Variants in ZMYM6 observed in about 807,000 individuals in gnomAD.
The protein encoded by ZMYM6 is zinc finger MYM-type containing 6.
Under a neutral mutation model 134.0 loss-of-function variants are expected in ZMYM6, and 90 were observed. The ratio of observed to expected loss-of-function variants is 0.67; its 90% CI spans 0.57 to 0.80. The LOEUF is 0.80. Among genes scored for constraint, ZMYM6 ranks in the 30% least tolerant of loss-of-function variants. The pLI is 0.00. For synonymous variants in ZMYM6, 481 were observed against 524.1 expected (o/e 0.92, Z 1.12); for missense variants, 1,362 against 1,533.9 (o/e 0.89, Z 1.87).
At chr1:35,013,151 T>C (rs1569777281) in intron 6 of ZMYM6, 1 of 815,408 alleles carries the variant, frequency 1.2e-6, no homozygotes, top group African/African-American at 1.9e-5. Flanking sequence ...ACTTACTGAA[T>C]GCTTACCATG....
chr1:35,011,297 T>C (rs1459367280), intron 8 of ZMYM6, among the ~76,000 whole-genome samples: 1 of 152,128 alleles, frequency 6.6e-6, no homozygotes, highest in African/African-American at 2.4e-5. Context: ...AGGCCTCTCC[T>C]TCCCCCTAAA....
intron 9 of ZMYM6, 46 bp from the exon 10 acceptor site, chr1:35,010,643 T>C: frequency 1.3e-6 from 2 of 1,564,288 alleles, no homozygotes; most frequent in South Asian, 1.2e-5. Context: ...AACAGTTGCT[T>C]TATCTTTAAG....
At chr1:35,000,756 T>G (rs1254678579) in intron 14 of ZMYM6, among the ~76,000 whole-genome samples, 1 of 152,174 alleles carries the variant, frequency 6.6e-6, no homozygotes, top group Non-Finnish European at 1.5e-5. Flanking sequence ...GAACACATGC[T>G]AAACTCATAA....
chr1:35,009,266 G>A (rs553198805), intron 10 of ZMYM6, among the ~76,000 whole-genome samples: 5 of 152,056 alleles, frequency 3.3e-5, no homozygotes, highest in Non-Finnish European at 7.4e-5. Flanking sequence ...ACCACACCCA[G>A]CTAATTTTTG....
At chr1:34,989,160 G>A in intron 15 of ZMYM6, 1 of 1,313,100 alleles carries the variant, frequency 7.6e-7, no homozygotes, top group Non-Finnish European at 9.7e-7. Context: ...AAAACTGTAG[G>A]ATGTGGTACA....
intron 14 of ZMYM6, among the ~76,000 whole-genome samples, chr1:35,003,231 C>T (rs1640911973): frequency 1.3e-5 from 2 of 149,446 alleles, no homozygotes; most frequent in Admixed American, 6.7e-5. Flanking sequence ...AACATTAACC[C>T]AAGACCTGAT....
At chr1:34,992,606 A>ATATAAATATAAAAATATTTATAAAC (rs1557558135) in intron 14 of ZMYM6, among the ~76,000 whole-genome samples, 2 of 117,236 alleles carry the variant, frequency 1.7e-5, no homozygotes, top group African/African-American at 1.1e-4. Context: ...ACATTTATAA[A>ATATAAATATAAAAATATTTATAAAC]TATAAATATA....
chr1:34,988,370 C>T lies in ZMYM6; in HGVS notation c.2712G>A (p.Glu904=). ...IEDQLIQKVR[E]SKWFALQIDE... ...CTATCTGAAGGGCAAACCACTTTGA[C>T]TCTCTGACCTTTTGAATCAGCTGGT... The change falls in exon 16 of 16, where the codon GAG becomes GAA. Residue 904 remains glutamate, a synonymous_variant. Coordinates refer to ENST00000357182, the MANE Select transcript of ZMYM6 (RefSeq NM_007167.4). 6.4e-7 allele frequency: 1 copy of T among 1,551,628 alleles called. No homozygotes were observed. The highest frequency in any genetic ancestry group is 8.7e-7 in the Non-Finnish European group (1 of 1,146,958).
At chr1:35,021,807 T>C (rs1414389604) in intron 2 of ZMYM6, among the ~76,000 whole-genome samples, 2 of 152,158 alleles carry the variant, frequency 1.3e-5, no homozygotes, top group Non-Finnish European at 2.9e-5. Flanking sequence ...TACCACATTC[T>C]TTAAAACGTT....
intron 8 of ZMYM6, among the ~76,000 whole-genome samples, 193 bp downstream of exon 8, chr1:35,011,697 A>G (rs1557576268): frequency 6.6e-6 from 1 of 152,208 alleles, no homozygotes; most frequent in Non-Finnish European, 1.5e-5. Context: ...AATAAAGAAG[A>G]AACTGCTGAG....
Position 35,027,566 on chromosome 1 carries a change from T to C in ZMYM6, c.93+2981A>G, listed in dbSNP as rs549075424. On this transcript the variant is annotated intron_variant, in intron 2 of 15. Transcript: ENST00000357182. ...GAGTTCAGGACCAGCCTGGGCAACA[T>C]AAGGAGACCCCGTCTCTACAAAAAC... Among the ~76,000 whole-genome samples the C allele has an allele frequency of 3.3e-5, 5 of 151,916 alleles. No individual in the cohort carries two copies. The South Asian group carries it at 8.3e-4, about 25-fold the overall frequency.
Position 35,004,008 on chromosome 1 carries a change from G to A in ZMYM6, c.1955-3C>T. 6.2e-7 allele frequency: 1 copy of A among 1,608,058 alleles called. No homozygotes were observed. Among genetic ancestry groups the A allele is most frequent in the South Asian group, 1.1e-5 (1 of 90,720 alleles). On this transcript the variant is annotated splice_polypyrimidine_tract_variant and splice_region_variant and intron_variant, in intron 13 of 15. Transcript: ENST00000357182. ...TGCTGCCTCTTTAGTAACTGCACCTGTTGTAAATTAAAACAAATATTATTA... is the reference window on the plus strand; with the variant it reads ...TGCTGCCTCTTTAGTAACTGCACCTATTGTAAATTAAAACAAATATTATTA...
At chr1:35,009,979 T>C (rs1641054848) in intron 10 of ZMYM6, among the ~76,000 whole-genome samples, 1 of 151,998 alleles carries the variant, frequency 6.6e-6, no homozygotes, top group Non-Finnish European at 1.5e-5. Flanking sequence ...AGATTGACTT[T>C]AAAGTGAATT....
In ZMYM6 at chr1:35,005,252, T is replaced by G. The variant is rs753881632; in HGVS notation, c.1834A>C (p.Thr612Pro). Residue 612 changes from threonine to proline, a missense_variant, in exon 13 of 16, where the codon ACT (threonine) becomes CCT (proline). Thr to Pro is a conservative substitution (Grantham distance 38). This residue lies in a region of ZMYM6 where 824 missense variants were observed against 940.9 expected (regional missense o/e 0.88). Transcript: ENST00000357182. ...GCAGAAGGGAGCTCCGTCACAGCAG[T>G]TTTTGCTTTAGAAATATTTACTGAT... ...QNKVNISKAK[T>P]AVTELPSART... 8 of 1,614,020 alleles carry G rather than the reference T, an allele frequency of 5.0e-6. No individual in the cohort carries two copies. The highest frequency in any genetic ancestry group is 6.8e-6 in the Non-Finnish European group (8 of 1,179,968).
intron 2 of ZMYM6, among the ~76,000 whole-genome samples, chr1:35,029,186 C>CA (rs1284231432): frequency 2.0e-5 from 3 of 151,922 alleles, no homozygotes; most frequent in African/African-American, 4.8e-5. Context: ...AAAACAAAAA[C>CA]AAAAAACCCT....
chr1:34,987,158 A>C lies in ZMYM6; in HGVS notation c.3924T>G (p.Leu1308=), dbSNP rs1244566023. ...TCCTTGGAATTAAAGATGTGACTGCAAGTCTTAGGGCAGGGCCAGAACCCA... is the reference window on the plus strand; with the variant it reads ...TCCTTGGAATTAAAGATGTGACTGCCAGTCTTAGGGCAGGGCCAGAACCCA... ...NLLGSGPALR[L]AVTSLIPRIE... Residue 1308 remains leucine (L), a synonymous_variant, in exon 16 of 16, where the codon CTT becomes CTG. Coordinates refer to ENST00000357182, the MANE Select transcript of ZMYM6 (RefSeq NM_007167.4). The C allele has an allele frequency of 1.3e-6, 2 of 1,590,746 alleles. No individual in the cohort carries two copies. Among genetic ancestry groups the C allele is most frequent in the Non-Finnish European group, 1.7e-6 (2 of 1,171,748 alleles).
Position 35,019,422 on chromosome 1 carries a change from C to T in ZMYM6, c.359G>A (p.Cys120Tyr), listed in dbSNP as rs1641264575. ...GGCAGGTGAAGAATGTCTGGTGATG[C>T]ATCGTGTGGAGCAGAAGAGCTGAGT... ...GSTQLFCSTRCITRHSSPACL... is the reference protein window; with the variant it reads ...GSTQLFCSTRYITRHSSPACL... The change falls in exon 4 of 16, where the codon TGC (cysteine) becomes TAC (tyrosine). Residue 120 changes from cysteine to tyrosine, a missense_variant. Transcript: ENST00000357182. 11 of 1,614,098 alleles carry T rather than the reference C, an allele frequency of 6.8e-6. No homozygotes were observed. The highest frequency in any genetic ancestry group is 9.3e-6 in the Non-Finnish European group (11 of 1,180,020).
chr1:35,021,799 C>T (rs1641314091), intron 2 of ZMYM6, among the ~76,000 whole-genome samples: 1 of 152,110 alleles, frequency 6.6e-6, no homozygotes, highest in African/African-American at 2.4e-5. Flanking sequence ...TTTATTCTTA[C>T]CACATTCTTT....
intron 14 of ZMYM6, among the ~76,000 whole-genome samples, chr1:35,001,115 T>C (rs1012857603): frequency 3.9e-5 from 6 of 152,210 alleles, no homozygotes; most frequent in African/African-American, 9.6e-5. Flanking sequence ...TCTAGACTTT[T>C]ATAGAAAAAG....
Sources: allele counts gnomAD v4.1 joint callset (sites outside exome capture counted in the v4.1 genomes callset), GRCh38; gene constraint gnomAD v4.1.1; regional missense constraint gnomAD v4.1.1; transcripts MANE v1.5; gene names NCBI Gene and HGNC (gene_info 2026-07-23, HGNC 2026-07-21).